The following CELF2 variants were observed in gnomAD, a reference collection of about 807,000 sequenced individuals.
CELF2 encodes CUG triplet repeat RNA-binding protein 2.
Under a neutral mutation model 62.6 loss-of-function variants are expected in CELF2, and 8 were observed. The ratio of observed to expected loss-of-function variants is 0.13; its 90% CI spans 0.07 to 0.23. The LOEUF (loss-of-function observed/expected upper bound fraction) is 0.23. CELF2 is among the 10% of genes least tolerant of loss of function. The pLI is 1.00. For synonymous variants in CELF2, 258 were observed against 250.0 expected (o/e 1.03, Z -0.30); for missense variants, 333 against 671.0 (o/e 0.50, Z 5.56).
chr10:10,870,026 C>T (rs2060636333), intron 1 of CELF2, among the ~76,000 whole-genome samples: 1 of 152,158 alleles, frequency 6.6e-6, no homozygotes, highest in African/African-American at 2.4e-5. Context: ...TGCCAGACCT[C>T]AGCCCTATCT....
At chr10:11,281,022 T>TGTGTGTG (rs1565736829) in intron 8 of CELF2, among the ~76,000 whole-genome samples, 1 of 88,556 alleles carries the variant, frequency 1.1e-5, no homozygotes, top group South Asian at 3.6e-4. Context: ...GTGTGTGTGT[T>TGTGTGTG]CAGAATGGGA....
chr10:11,263,912 G>A (rs145180236), intron 5 of CELF2, among the ~76,000 whole-genome samples: 73 of 152,270 alleles, frequency 4.8e-4, no homozygotes, highest in African/African-American at 1.6e-3. Context: ...ACTTCATCCC[G>A]AGTGACACAG....
At chr10:11,125,950 TC>T (rs2058617514) in intron 1 of CELF2, among the ~76,000 whole-genome samples, 1 of 152,358 alleles carries the variant, frequency 6.6e-6, no homozygotes, top group African/African-American at 2.4e-5. Flanking sequence ...CGTCTCATTT[TC>T]CTGTCAACAC....
chr10:11,103,205 CT>C (rs2142715361), intron 1 of CELF2, among the ~76,000 whole-genome samples: 1 of 152,290 alleles, frequency 6.6e-6, no homozygotes, highest in East Asian at 1.9e-4. Flanking sequence ...AAAATCCACG[CT>C]TTGCCAGAGC....
chr10:11,130,514 C>T (rs1386972109), intron 1 of CELF2, among the ~76,000 whole-genome samples: 4 of 152,166 alleles, frequency 2.6e-5, no homozygotes, highest in Non-Finnish European at 5.9e-5. Context: ...TAAAAGTGCT[C>T]TGCTGAGATC....
chr10:10,625,025 A>G, the CELF2 span, among the ~76,000 whole-genome samples: 3 of 152,224 alleles, frequency 2.0e-5, no homozygotes, highest in Non-Finnish European at 4.4e-5. Flanking sequence ...CTTCATGTTT[A>G]CCAACAAAAT....
At chr10:10,682,748 A>G in the CELF2 span, among the ~76,000 whole-genome samples, 1 of 151,954 alleles carries the variant, frequency 6.6e-6, no homozygotes, top group African/African-American at 2.4e-5. Context: ...GCATTCCTGG[A>G]TGACTGTTTG....
intron 2 of CELF2, among the ~76,000 whole-genome samples, chr10:10,950,813 C>T (rs1229247528): frequency 6.6e-6 from 1 of 152,196 alleles, no homozygotes; most frequent in Admixed American, 6.5e-5. Context: ...ATTAAATACG[C>T]CTCTACTGCA....
intron 1 of CELF2, among the ~76,000 whole-genome samples, chr10:10,881,836 A>G (rs1038432524): frequency 6.6e-6 from 1 of 152,308 alleles, no homozygotes; most frequent in Non-Finnish European, 1.5e-5. Context: ...TATCCACTTT[A>G]TCAGGTTTCC....
At chr10:10,645,611 A>G in the CELF2 span, among the ~76,000 whole-genome samples, 1 of 152,168 alleles carries the variant, frequency 6.6e-6, no homozygotes. Flanking sequence ...CCATCATTGC[A>G]CCACCGCACT....
chr10:11,325,894 C>T lies in CELF2; in HGVS notation c.1353C>T (p.Asp451=), dbSNP rs749590687. 1 of 1,614,142 alleles carries T rather than the reference C, an allele frequency of 6.2e-7. No homozygotes were observed. The highest frequency in any genetic ancestry group is 8.5e-7 in the Non-Finnish European group (1 of 1,179,978). Reference sequence around the variant, plus strand: ...TTCCACAGGAATTTGGAGACCAGGACATTCTGCAGATGTTCATGCCTTTTG... The same window carrying T: ...TTCCACAGGAATTTGGAGACCAGGATATTCTGCAGATGTTCATGCCTTTTG... The part of the protein sequence containing the change: ...YHLPQEFGDQ[D]ILQMFMPFGN... The change falls in exon 12 of 13, where the codon GAC becomes GAT. Residue 451 remains aspartate, a synonymous_variant. Coordinates refer to ENST00000633077, the MANE Select transcript of CELF2 (RefSeq NM_001326342.2).
At chr10:10,607,129 C>T in the CELF2 span, among the ~76,000 whole-genome samples, 1 of 152,084 alleles carries the variant, frequency 6.6e-6, no homozygotes, top group Admixed American at 6.5e-5. Context: ...ATTTTGTTTC[C>T]TTACTCAGTT....
intron 1 of CELF2, among the ~76,000 whole-genome samples, chr10:10,859,505 G>T (rs993281817): frequency 4.8e-4 from 73 of 152,094 alleles, no homozygotes; most frequent in African/African-American, 1.7e-3. Flanking sequence ...CTGAAAAGAG[G>T]GGAGAAGAGA....
At chr10:10,588,910 C>T in the CELF2 span, among the ~76,000 whole-genome samples, 1 of 152,148 alleles carries the variant, frequency 6.6e-6, no homozygotes, top group African/African-American at 2.4e-5. Context: ...TTGATGTTTC[C>T]ATGCACATCA....
At chr10:11,281,085 C>T (rs1006579475) in intron 8 of CELF2, among the ~76,000 whole-genome samples, 2 of 151,852 alleles carry the variant, frequency 1.3e-5, no homozygotes, top group Non-Finnish European at 2.9e-5. Context: ...CCTCAGCTCT[C>T]ATTTCTTCCT....
At chr10:10,943,768 T>TG (rs57640947) in intron 2 of CELF2, among the ~76,000 whole-genome samples, 22,903 of 131,908 alleles carry the variant, frequency 0.17, 3,302 homozygotes, top group African/African-American at 0.42. Flanking sequence ...CCAGCTTTTT[T>TG]TTTGTTTTGT....
chr10:11,019,392 C>T (rs1238423317), intron 1 of CELF2, among the ~76,000 whole-genome samples: 1 of 152,160 alleles, frequency 6.6e-6, no homozygotes, highest in Non-Finnish European at 1.5e-5. Context: ...CACTGTAGGA[C>T]TTAACATCCC....
In CELF2 at chr10:11,220,345, C is replaced by T. The variant is rs2064470731; in HGVS notation, c.354+2838C>T. On this transcript the variant is annotated intron_variant, in intron 3 of 12. Coordinates refer to ENST00000633077, the MANE Select transcript of CELF2 (RefSeq NM_001326342.2). The surrounding 1 kb of genome is among the most constrained non-coding windows in gnomAD (Gnocchi z 4.4). The stretch of plus-strand genomic sequence containing the variant: ...GGAGTTTGCTTTCCTCTGTATGCGC[C>T]ATCTTTCTTTCTTGAGGGACACAAA... 6.6e-6 allele frequency among the ~76,000 whole-genome samples: 1 copy of T among 152,170 alleles called. No homozygotes were observed. The highest frequency in any genetic ancestry group is 2.1e-4 in the South Asian group (1 of 4,830).
chr10:10,689,040 A>G, the CELF2 span, among the ~76,000 whole-genome samples: 1 of 152,184 alleles, frequency 6.6e-6, no homozygotes, highest in Non-Finnish European at 1.5e-5. Flanking sequence ...TAAGTTTTAA[A>G]GAAGAAAAAA....
Sources: gnomAD v4.1 joint callset for allele counts (sites outside exome capture counted in the v4.1 genomes callset) on GRCh38, gnomAD v4.1.1 for gene constraint, Gnocchi (gnomAD v3.1) non-coding constraint, MANE v1.5 for transcripts, NCBI Gene and HGNC (gene_info 2026-07-23, HGNC 2026-07-21) for gene names.